Variants in MACF1 observed in about 807,000 individuals in gnomAD.
MACF1 encodes the protein microtubule actin crosslinking factor 1.
MACF1 carries 193 observed loss-of-function variants against 854.8 expected under a neutral mutation model. The observed-to-expected ratio is 0.23, with a 90% CI of 0.20 to 0.25. The LOEUF is 0.25. Ranked by LOEUF, MACF1 falls within the 10% of genes least tolerant of loss-of-function variation. MACF1 has a pLI of 1.00. For missense variants in MACF1, 7,722 were observed against 8,929.1 expected, an observed-to-expected ratio of 0.86 and a Z score of 5.45; for synonymous variants, 3,185 against 3,226.7, an observed-to-expected ratio of 0.99 and a Z score of 0.44.
At position 39,469,668 on chromosome 1, in the gene MACF1, G is replaced by A. The variant is rs1360198646; in HGVS notation, c.21958+53G>A. The A allele has an allele frequency of 4.3e-6, 6 of 1,386,218 alleles. No individual in the cohort carries two copies. In the African/African-American group the frequency reaches 7.2e-5, roughly 17 times the overall value. 85.9% of individuals were successfully genotyped at this position (1,386,218 alleles called of 1,614,324 possible). On this transcript the variant is annotated intron_variant, in intron 97 of 100. Coordinates refer to ENST00000564288, the MANE Select transcript of MACF1 (RefSeq NM_001394062.1). ...CTCACACCCTAGCCCATTGAGAATGGCTTTGCTTCTTAAACTGTAACATCT... is the reference window on the plus strand; with the variant it reads ...CTCACACCCTAGCCCATTGAGAATGACTTTGCTTCTTAAACTGTAACATCT...
chr1:39,372,335 G>C (rs1389360438), intron 51 of MACF1, 144 bp from the exon 52 acceptor site: 2 of 575,324 alleles, frequency 3.5e-6, no homozygotes, highest in Middle Eastern at 4.1e-4. Flanking sequence ...ATGTTCAATA[G>C]ATATTTGATA....
chr1:39,094,439 G>A (rs1214922016), intron 2 of MACF1, among the ~76,000 whole-genome samples: 2 of 149,610 alleles, frequency 1.3e-5, no homozygotes, highest in Non-Finnish European at 3.0e-5. Context: ...GAAAGAAATC[G>A]GGCCGCGCAT....
rs758478864 is a variant in MACF1 at position 39,447,864 on chromosome 1, G to A, written c.19934G>A (p.Arg6645Gln). ...GTCCAGCGATCTATTGAAAGAGGGC[G>A]ATCACTAGATGATGCCAGGAAGCGG... The part of the protein sequence containing the change: ...KVVQRSIERG[R>Q]SLDDARKRAK... The change falls in exon 82 of 101, where the codon CGA (arginine) becomes CAA (glutamine). Residue 6645 changes from arginine (R) to glutamine (Q), a missense_variant. Around this residue, in one of 15 missense-constraint regions of MACF1, gnomAD observed 729 missense variants for 900.5 expected, o/e 0.81. Coordinates refer to ENST00000564288, the MANE Select transcript of MACF1 (RefSeq NM_001394062.1). The A allele has an allele frequency of 2.5e-5, 41 of 1,613,910 alleles. No individual in the cohort carries two copies. Among genetic ancestry groups the A allele is most frequent in the South Asian group, 1.3e-4 (12 of 91,062 alleles).
At chr1:39,337,562 A>ATTTTTTTTT (rs35312351) in intron 38 of MACF1, among the ~76,000 whole-genome samples, 14 of 100,156 alleles carry the variant, frequency 1.4e-4, no homozygotes, top group East Asian at 2.9e-4. Flanking sequence ...AATTACTACC[A>ATTTTTTTTT]TTTTTTTTTT....
intron 6 of MACF1, chr1:39,260,244 C>T (rs556789368): frequency 3.9e-5 from 6 of 152,206 alleles, no homozygotes; most frequent in Admixed American, 3.9e-4. Context: ...GTATTCCAGA[C>T]TCTTTTTTTA....
chr1:39,290,987 T>C (rs1645771330), intron 15 of MACF1, among the ~76,000 whole-genome samples: 1 of 150,130 alleles, frequency 6.7e-6, no homozygotes, highest in African/African-American at 2.5e-5. Context: ...AACTTTTTTT[T>C]TTGAGACAGA....
At position 39,385,525 on chromosome 1, in the gene MACF1, C is replaced by G. The variant is rs1372814486; in HGVS notation, c.13940C>G (p.Ser4647Cys). 2 of 1,614,042 alleles carry G rather than the reference C, an allele frequency of 1.2e-6. No individual in the cohort carries two copies. The highest frequency in any genetic ancestry group is 1.3e-5 in the African/African-American group (1 of 74,930). The change falls in exon 57 of 101, where the codon TCT becomes TGT. Residue 4647 changes from serine (S) to cysteine (C), a missense_variant. By Grantham distance (112) the Ser-to-Cys change is moderately radical. Around this residue, in one of 15 missense-constraint regions of MACF1, gnomAD observed 2,807 missense variants for 3,235.8 expected, o/e 0.87. Transcript: ENST00000564288. ...ATCCTAACAGGCCCTGGAGATGTCT[C>G]TCTGTCCACCAGCCAAGTACAGAAA... ...QGILTGPGDVSLSTSQVQKEL... is the reference protein window; with the variant it reads ...QGILTGPGDVCLSTSQVQKEL...
intron 58 of MACF1, chr1:39,413,041 G>A (rs1408569666): frequency 1.9e-6 from 3 of 1,590,888 alleles, no homozygotes; most frequent in Middle Eastern, 3.3e-4. Flanking sequence ...AGTTGCTGCA[G>A]TGTCCTCCCC....
At chr1:39,427,235 G>A (rs1197414345) in intron 61 of MACF1, among the ~76,000 whole-genome samples, 4 of 152,106 alleles carry the variant, frequency 2.6e-5, no homozygotes, top group Admixed American at 6.6e-5. Flanking sequence ...TATAATGGGG[G>A]ATAATTATTC....
chr1:39,414,185 C>T, intron 58 of MACF1: 4 of 1,612,964 alleles, frequency 2.5e-6, no homozygotes, highest in Non-Finnish European at 3.4e-6. Context: ...GAGGTGGCTG[C>T]CATCCCTGCT....
chr1:39,226,574 C>T (rs1268585022), intron 1 of MACF1, among the ~76,000 whole-genome samples: 1 of 151,984 alleles, frequency 6.6e-6, no homozygotes, highest in African/African-American at 2.4e-5. Flanking sequence ...CGCCTGACCT[C>T]GTGATCCACC....
Position 39,297,622 on chromosome 1 carries a change from C to A in MACF1, c.2358C>A (p.Phe786Leu), listed in dbSNP as rs1341635633. 12 of 1,613,964 alleles carry A rather than the reference C, an allele frequency of 7.4e-6. No homozygotes were observed. The highest frequency in any genetic ancestry group is 9.3e-6 in the Non-Finnish European group (11 of 1,179,998). ...ATCCTTACTTTGTATTCCCATAGTT[C>A]TTCAGTGATGCACGAGAGCTGGAGT... ...HVKENTAYFQ[F>L]FSDARELESF... Residue 786 changes from phenylalanine to leucine, a missense_variant and splice_region_variant, in exon 21 of 101, where the codon TTC becomes TTA. Physicochemically the swap from Phe to Leu is conservative, Grantham distance 22. Coordinates refer to ENST00000564288, the MANE Select transcript of MACF1 (RefSeq NM_001394062.1).
chr1:39,243,039 C>T (rs539592473), intron 2 of MACF1, among the ~76,000 whole-genome samples: 2 of 152,324 alleles, frequency 1.3e-5, no homozygotes, highest in African/African-American at 4.8e-5. Context: ...TCGAAAGCAA[C>T]TGCACCATTT....
intron 58 of MACF1, among the ~76,000 whole-genome samples, chr1:39,416,991 T>C (rs1643339248): frequency 6.6e-6 from 1 of 152,246 alleles, no homozygotes; most frequent in South Asian, 2.1e-4. Flanking sequence ...TTAAAAGGTT[T>C]TTCCAAGATG....
intron 2 of MACF1, among the ~76,000 whole-genome samples, chr1:39,178,670 G>A (rs6680441): frequency 0.013 from 1,973 of 152,174 alleles, 47 homozygotes; most frequent in African/African-American, 0.043. Context: ...ACACCCCCAC[G>A]TCTTTACTGG....
intron 2 of MACF1, chr1:39,102,861 G>A (rs1557454478): frequency 1.4e-6 from 1 of 702,540 alleles, no homozygotes; most frequent in Non-Finnish European, 2.6e-6. Flanking sequence ...TTAGACTGTT[G>A]CTTGAAAGAA....
intron 89 of MACF1, among the ~76,000 whole-genome samples, chr1:39,456,313 G>A (rs371727746): frequency 1.2e-4 from 18 of 152,240 alleles, no homozygotes; most frequent in South Asian, 2.1e-4. Flanking sequence ...CAGCCTGGGC[G>A]ACAGAGCAAG....
intron 2 of MACF1, among the ~76,000 whole-genome samples, chr1:39,092,153 A>C (rs1176695938): frequency 6.6e-6 from 1 of 152,132 alleles, no homozygotes; most frequent in South Asian, 2.1e-4. Flanking sequence ...CAACCTGAAG[A>C]GACAGGGCAC....
intron 20 of MACF1, among the ~76,000 whole-genome samples, chr1:39,296,750 GA>G (rs1458746649): frequency 9.7e-5 from 6 of 61,668 alleles, no homozygotes; most frequent in Middle Eastern, 6.3e-3. Flanking sequence ...AAGAAAGAAA[GA>G]AAGGAAGGAA....
Sources: allele counts gnomAD v4.1 joint callset (sites outside exome capture counted in the v4.1 genomes callset), GRCh38; gene constraint gnomAD v4.1.1; regional missense constraint gnomAD v4.1.1; transcripts MANE v1.5; gene names NCBI Gene and HGNC (gene_info 2026-07-23, HGNC 2026-07-21).